WDR62: variants seen among roughly 807,000 people sequenced by gnomAD.
WDR62 encodes the protein WD repeat-containing protein 62.
WDR62 carries 112 observed loss-of-function variants against 160.6 expected under a neutral mutation model. That is an observed-to-expected ratio of 0.70 (90% CI 0.60 to 0.82). WDR62 has a LOEUF of 0.82. WDR62 is among the 40% of genes least tolerant of loss of function. WDR62 has a pLI of 0.00. For synonymous variants in WDR62, 792 were observed against 815.1 expected (o/e 0.97, Z 0.48); for missense variants, 1,819 against 1,983.8 (o/e 0.92, Z 1.58).
intron 11 of WDR62, among the ~76,000 whole-genome samples, chr19:36,083,835 C>A (rs1972046642): frequency 6.6e-6 from 1 of 152,162 alleles, no homozygotes; most frequent in Non-Finnish European, 1.5e-5. Context: ...CACCAGGCAG[C>A]CCCAGGAGAG....
At chr19:36,109,525 G>A (rs551333491), downstream of WDR62, among the ~76,000 whole-genome samples, 24 of 152,166 alleles carry the variant, frequency 1.6e-4, 1 homozygote, top group South Asian at 5.0e-3. Flanking sequence ...CTCGAGGTCA[G>A]GAGTTTGAGA....
intron 21 of WDR62, among the ~76,000 whole-genome samples, chr19:36,098,826 G>A (rs545372850): frequency 1.3e-5 from 2 of 152,146 alleles, no homozygotes; most frequent in African/African-American, 4.8e-5. Flanking sequence ...ATGAATCCCA[G>A]CTGGGCATTC....
chr19:36,070,498 G>C (rs1413982568), intron 7 of WDR62: 1 of 152,206 alleles, frequency 6.6e-6, no homozygotes, highest in Non-Finnish European at 1.5e-5. Context: ...AGTATCTGAA[G>C]GTTTGAGTCA....
In WDR62 at chr19:36,083,146, T is replaced by C; in HGVS notation, c.1455T>C (p.Asn485=). 6.2e-7 allele frequency: 1 copy of C among 1,613,620 alleles called. No individual in the cohort carries two copies. Among genetic ancestry groups the C allele is most frequent in the East Asian group, 2.2e-5 (1 of 44,868 alleles). ...ACTTCCCAGACCGGGGGAGCGAGAA[T>C]GGGACACCCATGGACGTGAAAGCCG... ...MSHFPDRGSE[N]GTPMDVKAGV... Residue 485 remains asparagine (N), a synonymous_variant, in exon 11 of 32, where the codon AAT becomes AAC. Transcript: ENST00000401500.
chr19:36,059,905 T>C, intron 2 of WDR62, 63 bp from the exon 3 acceptor site: 2 of 1,562,104 alleles, frequency 1.3e-6, no homozygotes, highest in Middle Eastern at 1.7e-4. Context: ...CTGGTGGGAA[T>C]AGAATCATCC....
intron 13 of WDR62, among the ~76,000 whole-genome samples, chr19:36,088,428 C>T (rs755913259): frequency 3.3e-5 from 5 of 152,198 alleles, no homozygotes; most frequent in Non-Finnish European, 5.9e-5. Flanking sequence ...GCCCATTGTA[C>T]GGACCGGAAG....
chr19:36,058,698 G>T, intron 1 of WDR62, 82 bp from the exon 2 acceptor site: 1 of 1,053,168 alleles, frequency 9.5e-7, no homozygotes, highest in Non-Finnish European at 1.5e-6. Flanking sequence ...AATGTAGCAG[G>T]ACCTGAATGG....
At chr19:36,075,414 A>G (rs1469282917) in intron 9 of WDR62, 2 of 152,030 alleles carry the variant, frequency 1.3e-5, no homozygotes, top group Non-Finnish European at 2.9e-5. Context: ...AAATCACACA[A>G]AAGATATGTA....
At chr19:36,069,859 G>T (rs962710225) in intron 7 of WDR62, among the ~76,000 whole-genome samples, 1 of 152,152 alleles carries the variant, frequency 6.6e-6, no homozygotes, top group Non-Finnish European at 1.5e-5. Flanking sequence ...CCAGTCAGGC[G>T]TGGCGGCGCG....
intron 13 of WDR62, among the ~76,000 whole-genome samples, chr19:36,088,128 T>G (rs1972364838): frequency 1.3e-5 from 2 of 152,160 alleles, no homozygotes; most frequent in Non-Finnish European, 2.9e-5. Flanking sequence ...ATGTCAGGCC[T>G]GGACCCTCTC....
intron 30 of WDR62, 111 bp downstream of exon 30, chr19:36,104,092 C>A: frequency 7.4e-7 from 1 of 1,345,616 alleles, no homozygotes; most frequent in South Asian, 1.2e-5. Context: ...GCCATTCATT[C>A]ATTCGTGCAT....
chr19:36,101,200 C>G lies in WDR62; in HGVS notation c.2868-14C>G, dbSNP rs775206500. Reference sequence around the variant, plus strand: ...GAAGTCCTTGTTCCCTCTCTGCCCCCACTGGCACTGCAGCCAGTATTGCAG... The same window carrying G: ...GAAGTCCTTGTTCCCTCTCTGCCCCGACTGGCACTGCAGCCAGTATTGCAG... On this transcript the variant is annotated splice_polypyrimidine_tract_variant and intron_variant, in intron 23 of 31. Coordinates refer to ENST00000401500, the MANE Select transcript of WDR62 (RefSeq NM_001083961.2). The G allele has an allele frequency of 5.6e-6, 9 of 1,602,306 alleles. No individual in the cohort carries two copies. The highest frequency in any genetic ancestry group is 7.7e-6 in the Non-Finnish European group (9 of 1,173,340).
chr19:36,102,386 G>T, intron 26 of WDR62: 1 of 627,170 alleles, frequency 1.6e-6, no homozygotes, highest in Non-Finnish European at 2.8e-6. Context: ...TCAGCCTCCT[G>T]AGTAGCTGGG....
chr19:36,058,940 C>A, intron 2 of WDR62, 69 bp downstream of exon 2: 1 of 1,291,540 alleles, frequency 7.7e-7, no homozygotes, highest in South Asian at 1.2e-5. Flanking sequence ...TGAAGCCATC[C>A]GTAAATCGCT....
intron 1 of WDR62, among the ~76,000 whole-genome samples, chr19:36,057,876 C>T (rs1005470224): frequency 6.6e-6 from 1 of 152,246 alleles, no homozygotes; most frequent in African/African-American, 2.4e-5. Context: ...TTGGTCACTA[C>T]TGTGTCTCTC....
chr19:36,056,180 A>C (rs1467777431), intron 1 of WDR62, among the ~76,000 whole-genome samples: 1 of 152,056 alleles, frequency 6.6e-6, no homozygotes, highest in Non-Finnish European at 1.5e-5. Context: ...TAAATAAATA[A>C]ATAAATTATA....
Position 36,089,183 on chromosome 19 carries a change from A to G in WDR62, c.1837-2A>G. 1 of 1,614,076 alleles carries G rather than the reference A, an allele frequency of 6.2e-7. No homozygotes were observed. Among genetic ancestry groups the G allele is most frequent in the Non-Finnish European group, 8.5e-7 (1 of 1,179,982 alleles). On this transcript the variant is annotated splice_acceptor_variant, in intron 14 of 31. Coordinates refer to ENST00000401500, the MANE Select transcript of WDR62 (RefSeq NM_001083961.2). LOFTEE classifies it high-confidence loss of function. Reference sequence around the variant, plus strand: ...CTCTGAAGGTCCTGCCGGCCCTGCCAGGGTTCGGATGGACTACACTTTGTC... The same window carrying G: ...CTCTGAAGGTCCTGCCGGCCCTGCCGGGGTTCGGATGGACTACACTTTGTC...
intron 19 of WDR62, among the ~76,000 whole-genome samples, chr19:36,093,133 G>A (rs1019915823): frequency 6.6e-6 from 1 of 152,148 alleles, no homozygotes; most frequent in Non-Finnish European, 1.5e-5. Flanking sequence ...CACTGCACCC[G>A]GCTATGAGAA....
At chr19:36,084,205 A>T (rs1972068913) in intron 11 of WDR62, among the ~76,000 whole-genome samples, 7 of 152,110 alleles carry the variant, frequency 4.6e-5, no homozygotes. Flanking sequence ...TCGATGACTG[A>T]TTTCATTTGG....
Sources: gnomAD v4.1 joint callset for allele counts (sites outside exome capture counted in the v4.1 genomes callset) on GRCh38, gnomAD v4.1.1 for gene constraint, MANE v1.5 for transcripts, NCBI Gene and HGNC (gene_info 2026-07-23, HGNC 2026-07-21) for gene names.